GNG2: variants seen among roughly 807,000 people sequenced by gnomAD.
GNG2 encodes guanine nucleotide-binding protein G(I)/G(S)/G(O) subunit gamma-2.
Under a neutral mutation model 5.5 loss-of-function variants are expected in GNG2, and 5 were observed. That is an observed-to-expected ratio of 0.91 (90% CI 0.48 to 1.92). The LOEUF (loss-of-function observed/expected upper bound fraction) is 1.92, where lower values mean the gene tolerates loss of function less well. GNG2 is among the 30% of genes most tolerant of loss of function. GNG2 has a pLI of 0.01. For synonymous variants in GNG2, 28 were observed against 32.0 expected (o/e 0.88, Z 0.42); for missense variants, 55 against 88.4 (o/e 0.62, Z 1.52).
At chr14:51,951,834 C>T (rs566172401) in intron 3 of GNG2, 30 of 699,222 alleles carry the variant, frequency 4.3e-5, no homozygotes, top group South Asian at 4.2e-4. Context: ...GTGGTTGTAA[C>T]AGAGACCATA....
chr14:51,866,434 G>A (rs139767325), intron 1 of GNG2, among the ~76,000 whole-genome samples: 48 of 152,274 alleles, frequency 3.2e-4, no homozygotes, highest in Non-Finnish European at 5.7e-4. Flanking sequence ...CTGTCTTTCT[G>A]AGAAGGCACA....
At chr14:51,935,098 C>T (rs1244780690) in intron 2 of GNG2, among the ~76,000 whole-genome samples, 1 of 148,240 alleles carries the variant, frequency 6.7e-6, no homozygotes, top group African/African-American at 2.5e-5. Flanking sequence ...AATCTCGGCT[C>T]ACTGTAAGCT....
intron 2 of GNG2, among the ~76,000 whole-genome samples, chr14:51,918,869 C>T (rs572408437): frequency 5.9e-5 from 9 of 152,278 alleles, no homozygotes; most frequent in South Asian, 2.1e-4. Flanking sequence ...TTGTCGCCCA[C>T]GCTAGAGTAC....
At chr14:51,871,804 T>C (rs1883314090) in intron 1 of GNG2, among the ~76,000 whole-genome samples, 1 of 152,180 alleles carries the variant, frequency 6.6e-6, no homozygotes, top group Non-Finnish European at 1.5e-5. Context: ...TATTGTCGGA[T>C]GTCGTTTTGA....
upstream of GNG2, among the ~76,000 whole-genome samples, chr14:51,858,719 A>G (rs1000924744): frequency 6.6e-6 from 1 of 152,214 alleles, no homozygotes; most frequent in Non-Finnish European, 1.5e-5. Context: ...AGTTCCTGGT[A>G]ACCTTTGGCA....
chr14:51,915,768 G>C (rs919255878), intron 2 of GNG2, among the ~76,000 whole-genome samples: 4 of 152,190 alleles, frequency 2.6e-5, no homozygotes, highest in Admixed American at 6.5e-5. Flanking sequence ...CACATACTTA[G>C]CCTGAATCAC....
chr14:51,882,436 T>G (rs976028016), intron 2 of GNG2, among the ~76,000 whole-genome samples: 1 of 152,206 alleles, frequency 6.6e-6, no homozygotes, highest in East Asian at 1.9e-4. Flanking sequence ...TCTATTCTGT[T>G]CCATTACTGG....
intron 2 of GNG2, among the ~76,000 whole-genome samples, chr14:51,843,734 C>T (rs571878816): frequency 3.3e-5 from 5 of 152,160 alleles, no homozygotes; most frequent in African/African-American, 7.2e-5. Flanking sequence ...TTTAATGGTT[C>T]CTCATGTTTC....
intron 2 of GNG2, chr14:51,914,221 C>T (rs1483147273): frequency 8.5e-6 from 6 of 702,160 alleles, no homozygotes; most frequent in Non-Finnish European, 1.3e-5. Flanking sequence ...CCAGAAATGA[C>T]TGTGCCATTG....
chr14:51,921,124 A>G (rs935267705), intron 2 of GNG2, among the ~76,000 whole-genome samples: 6 of 152,192 alleles, frequency 3.9e-5, no homozygotes, highest in African/African-American at 1.4e-4. Context: ...GAAAAAAGGT[A>G]CAGACTTGGG....
chr14:51,843,781 A>C (rs376067172), intron 2 of GNG2, among the ~76,000 whole-genome samples: 1 of 152,220 alleles, frequency 6.6e-6, no homozygotes, highest in South Asian at 2.1e-4. Flanking sequence ...TATTTCCTCA[A>C]TTAACCCCAG....
intron 2 of GNG2, among the ~76,000 whole-genome samples, chr14:51,921,703 C>G (rs1887023918): frequency 6.6e-6 from 1 of 152,178 alleles, no homozygotes. Flanking sequence ...CAGGAGAAAT[C>G]AATGCCATTA....
chr14:51,950,807 A>G, intron 3 of GNG2, 42 bp downstream of exon 3: 1 of 1,233,684 alleles, frequency 8.1e-7, no homozygotes, highest in South Asian at 1.4e-5. Context: ...GCGTGAGTCT[A>G]AGGCGCATGT....
chr14:51,881,983 T>C (rs1421653973), intron 2 of GNG2, among the ~76,000 whole-genome samples: 1 of 152,174 alleles, frequency 6.6e-6, no homozygotes, highest in Non-Finnish European at 1.5e-5. Context: ...TCATTTCAGC[T>C]TCAAATCTTT....
chr14:51,839,686 C>A (rs1223772392), intron 2 of GNG2, among the ~76,000 whole-genome samples: 1 of 152,092 alleles, frequency 6.6e-6, no homozygotes, highest in Non-Finnish European at 1.5e-5. Context: ...ATATCTTGAT[C>A]GTGGTGGTGG....
intron 2 of GNG2, among the ~76,000 whole-genome samples, chr14:51,829,421 C>T (rs889529837): frequency 2.0e-5 from 3 of 152,180 alleles, no homozygotes; most frequent in African/African-American, 4.8e-5. Context: ...GCTCAGATTC[C>T]AGAGCTCATC....
At chr14:51,840,551 A>G (rs961611873) in intron 2 of GNG2, among the ~76,000 whole-genome samples, 7 of 152,120 alleles carry the variant, frequency 4.6e-5, no homozygotes, top group African/African-American at 1.2e-4. Context: ...TGGTGCCCCA[A>G]TCTCAAACTC....
intron 2 of GNG2, among the ~76,000 whole-genome samples, chr14:51,896,832 C>G (rs952998570): frequency 6.6e-6 from 1 of 151,932 alleles, no homozygotes; most frequent in African/African-American, 2.4e-5. Context: ...GCACTTTAAA[C>G]AAAAAGTCAT....
At chr14:51,958,444 C>CCT (rs1303876093) in intron 3 of GNG2, among the ~76,000 whole-genome samples, 2 of 143,462 alleles carry the variant, frequency 1.4e-5, no homozygotes, top group African/African-American at 2.5e-5. Flanking sequence ...TCCGTTCCCC[C>CCT]CCCCCATTTA....
Sources: allele counts gnomAD v4.1 joint callset (sites outside exome capture counted in the v4.1 genomes callset), GRCh38; gene constraint gnomAD v4.1.1; transcripts MANE v1.5; gene names NCBI Gene and HGNC (gene_info 2026-07-23, HGNC 2026-07-21).